CD300LD: variants seen among roughly 807,000 people sequenced by gnomAD.
CD300LD encodes the protein CMRF35-like molecule 5.
A neutral mutation model predicts 20.3 loss-of-function variants in CD300LD; 18 were observed. The observed-to-expected ratio is 0.89, with a 90% confidence interval of 0.61 to 1.32. The LOEUF (loss-of-function observed/expected upper bound fraction) is 1.32. Ranked by LOEUF, CD300LD falls within the 40% of genes most tolerant of loss-of-function variation. The pLI is 0.00. For missense variants in CD300LD, 195 were observed against 226.6 expected (o/e 0.86, Z 0.90); for synonymous variants, 104 against 90.1 (o/e 1.15, Z -0.87).
chr17:74,588,549 A>G lies in CD300LD; in HGVS notation c.341T>C (p.Ile114Thr), dbSNP rs373622492. The change falls in exon 2 of 4, where the codon ATT (isoleucine) becomes ACT (threonine). Residue 114 changes from isoleucine (I) to threonine (T), a missense_variant. Ile to Thr is a moderately conservative substitution (Grantham distance 89). Transcript: ENST00000375352. ...SYWCGTERPGIDLGVKVQVTI... is the reference protein window; with the variant it reads ...SYWCGTERPGTDLGVKVQVTI... ...CACTTGAACTTTGACCCCAAGATCA[A>G]TTCCAGGTCTCTCAGTCCCACACCA... The G allele has an allele frequency of 1.1e-3, 1,841 of 1,613,702 alleles. 35 individuals are homozygous for G. The South Asian group carries it at 0.016, about 14-fold the overall frequency.
chr17:74,586,675 T>C (rs908300297), intron 2 of CD300LD, among the ~76,000 whole-genome samples: 4 of 152,104 alleles, frequency 2.6e-5, no homozygotes, highest in African/African-American at 9.7e-5. Flanking sequence ...AGAGAACAGG[T>C]AACGTTAGTG....
At chr17:74,583,591 T>C (rs1001522897) in intron 2 of CD300LD, among the ~76,000 whole-genome samples, 2 of 152,210 alleles carry the variant, frequency 1.3e-5, no homozygotes, top group African/African-American at 2.4e-5. Flanking sequence ...TTACTATCTA[T>C]GAGTTGGCAT....
downstream of CD300LD, among the ~76,000 whole-genome samples, chr17:74,578,662 C>T (rs945009572): frequency 3.3e-5 from 5 of 152,164 alleles, no homozygotes; most frequent in African/African-American, 1.2e-4. Context: ...TGAGCCACTG[C>T]GCCCAGCATT....
chr17:74,582,927 G>A (rs1225623422), intron 2 of CD300LD, among the ~76,000 whole-genome samples: 2 of 152,200 alleles, frequency 1.3e-5, no homozygotes, highest in Admixed American at 1.3e-4. Flanking sequence ...GATATTCAAA[G>A]TTTGCTTCAG....
intron 2 of CD300LD, 131 bp from the exon 3 acceptor site, chr17:74,582,442 C>A: frequency 3.4e-6 from 2 of 593,124 alleles, no homozygotes; most frequent in Non-Finnish European, 6.0e-6. Context: ...GGTCAGCATC[C>A]AAAATATTAC....
At chr17:74,581,460 G>T (rs951161131) in intron 3 of CD300LD, among the ~76,000 whole-genome samples, 1 of 152,198 alleles carries the variant, frequency 6.6e-6, no homozygotes, top group Non-Finnish European at 1.5e-5. Context: ...TAGCTATCAG[G>T]TGCCGACCTC....
intron 2 of CD300LD, among the ~76,000 whole-genome samples, chr17:74,582,790 C>A (rs1161758459): frequency 6.6e-6 from 1 of 152,188 alleles, no homozygotes; most frequent in East Asian, 1.9e-4. Flanking sequence ...CTTCCAGCAG[C>A]TTCCCAATCT....
Position 74,588,851 on chromosome 17 carries a change from T to C in CD300LD, c.41-2A>G, listed in dbSNP as rs2030236517. ...TGATTTTAGCGGCAATGGAGTAACC[T>C]GGAAAACGCAAATTCATGTGTCGTC... is the stretch of plus-strand genomic sequence containing the variant. On this transcript the variant is annotated splice_acceptor_variant, in intron 1 of 3. Coordinates refer to ENST00000375352, the MANE Select transcript of CD300LD (RefSeq NM_001115152.2). LOFTEE classifies it high-confidence loss of function. The C allele has an allele frequency of 6.2e-7, 1 of 1,600,430 alleles. No individual in the cohort carries two copies. Among genetic ancestry groups the C allele is most frequent in the Non-Finnish European group, 8.5e-7 (1 of 1,169,672 alleles).
Position 74,582,311 on chromosome 17 carries a change from C to T in CD300LD, c.380G>A (p.Gly127Asp), listed in dbSNP as rs968352745. 3.7e-6 allele frequency: 6 copies of T among 1,612,740 alleles called. No homozygotes were observed. In the Admixed American group the frequency reaches 8.3e-5, roughly 22 times the overall value. ...GVKVQVTINP[G>D]TQTAVSEWTT... ...CCATTCTGAGACTGCAGTTTGTGTG[C>T]CTAAACATACAAAGCAGAACACGGT... is the stretch of plus-strand genomic sequence containing the variant. Residue 127 changes from glycine (G) to aspartate (D), a missense_variant and splice_region_variant, in exon 3 of 4, where the codon GGC (glycine) becomes GAC (aspartate). Transcript: ENST00000375352.
intron 3 of CD300LD, among the ~76,000 whole-genome samples, chr17:74,582,000 C>T (rs946711282): frequency 6.6e-6 from 1 of 152,224 alleles, no homozygotes; most frequent in Admixed American, 6.5e-5. Flanking sequence ...GCATAGAATG[C>T]TCAGTTAAAT....
intron 1 of CD300LD, among the ~76,000 whole-genome samples, chr17:74,589,617 A>G (rs149479740): frequency 6.6e-6 from 1 of 152,368 alleles, no homozygotes; most frequent in African/African-American, 2.4e-5. Context: ...GGACAAGACT[A>G]GTCTCCATGA....
At chr17:74,587,900 C>T (rs1436621565) in intron 2 of CD300LD, among the ~76,000 whole-genome samples, 3 of 132,732 alleles carry the variant, frequency 2.3e-5, no homozygotes, top group East Asian at 4.2e-4. Context: ...GGAGGGAGCC[C>T]TGGGAGCCAT....
chr17:74,589,995 A>T (rs2030267166), intron 1 of CD300LD, among the ~76,000 whole-genome samples: 1 of 152,204 alleles, frequency 6.6e-6, no homozygotes, highest in Admixed American at 6.5e-5. Context: ...GAACCTGGGC[A>T]AATTAACCTC....
chr17:74,579,978 A>T lies in CD300LD; in HGVS notation c.*24T>A. The T allele has an allele frequency of 6.7e-7, 1 of 1,498,590 alleles. No individual in the cohort carries two copies. The highest frequency in any genetic ancestry group is 9.3e-7 in the Non-Finnish European group (1 of 1,078,536). 92.8% of individuals were successfully genotyped at this position (1,498,590 alleles called of 1,614,324 possible). ...GACGTCAATGGGCATTGGGACTCTC[A>T]TCATCGGGCTGACTCCTCCTCCTTC... is the stretch of plus-strand genomic sequence containing the variant. On this transcript the variant is annotated 3_prime_UTR_variant, in exon 4 of 4. Transcript: ENST00000375352.
intron 1 of CD300LD, among the ~76,000 whole-genome samples, chr17:74,589,945 C>T (rs1405570631): frequency 6.6e-6 from 1 of 152,204 alleles, no homozygotes; most frequent in Non-Finnish European, 1.5e-5. Flanking sequence ...TGCCAGAGTG[C>T]TTGGGTTTGA....
At chr17:74,582,567 G>A (rs1035622011) in intron 2 of CD300LD, among the ~76,000 whole-genome samples, 2 of 152,254 alleles carry the variant, frequency 1.3e-5, no homozygotes, top group Admixed American at 6.5e-5. Flanking sequence ...TAGCACACTC[G>A]ATAGCATTCC....
intron 3 of CD300LD, among the ~76,000 whole-genome samples, chr17:74,581,934 G>A (rs1568021092): frequency 6.6e-6 from 1 of 152,200 alleles, no homozygotes; most frequent in South Asian, 2.1e-4. Context: ...GGGGCCTATG[G>A]GGGTCCCAGC....
intron 2 of CD300LD, chr17:74,585,080 T>C (rs1225821780): frequency 6.6e-6 from 1 of 152,214 alleles, no homozygotes; most frequent in Non-Finnish European, 1.5e-5. Flanking sequence ...CAACATTATG[T>C]GCATTTGCTT....
intron 2 of CD300LD, 93 bp from the exon 3 acceptor site, chr17:74,582,404 G>A (rs2030057057): frequency 5.1e-6 from 5 of 971,432 alleles, no homozygotes; most frequent in Non-Finnish European, 7.7e-6. Context: ...GAATTAAGGA[G>A]CCTCTGCCTT....
Sources: gnomAD v4.1 joint callset for allele counts (sites outside exome capture counted in the v4.1 genomes callset) on GRCh38, gnomAD v4.1.1 for gene constraint, MANE v1.5 for transcripts, NCBI Gene and HGNC (gene_info 2026-07-23, HGNC 2026-07-21) for gene names.